DNAH8: variants seen among roughly 807,000 people sequenced by gnomAD.
DNAH8 encodes the protein dynein axonemal heavy chain 8.
Under a neutral mutation model 562.1 loss-of-function variants are expected in DNAH8, and 382 were observed. The observed-to-expected ratio is 0.68, with a 90% CI of 0.63 to 0.74. The LOEUF (loss-of-function observed/expected upper bound fraction) is 0.74, where lower values mean the gene tolerates loss of function less well. Ranked by LOEUF, DNAH8 falls within the 30% of genes least tolerant of loss-of-function variation. DNAH8 has a pLI of 0.00. For missense variants in DNAH8, 5,203 were observed against 5,620.4 expected, an observed-to-expected ratio of 0.93 and a Z score of 2.37; for synonymous variants, 1,881 against 1,919.4, an observed-to-expected ratio of 0.98 and a Z score of 0.52.
At chr6:38,909,875 C>A in intron 65 of DNAH8, 131 bp downstream of exon 65, 1 of 799,424 alleles carries the variant, frequency 1.3e-6, no homozygotes, top group Non-Finnish European at 2.0e-6. Flanking sequence ...ATCTTTCTTG[C>A]TTTGATTTTC....
At position 38,873,101 on chromosome 6, in the gene DNAH8, T is replaced by C. The variant is rs1174911816; in HGVS notation, c.7433T>C (p.Met2478Thr). ...CCTGCCACGGTTTCTAGGATGGGCA[T>C]GGTCTATATCAGCAGCTCTGCTCTC... ...ASPATVSRMG[M>T]VYISSSALSW... Residue 2478 changes from methionine to threonine, a missense_variant, in exon 51 of 93, where the codon ATG becomes ACG. Met to Thr is a moderately conservative substitution (Grantham distance 81). Around this residue, in one of 6 missense-constraint regions of DNAH8, gnomAD observed 977 missense variants for 1,061.8 expected, o/e 0.92. Coordinates refer to ENST00000327475, the MANE Select transcript of DNAH8 (RefSeq NM_001206927.2). 11 of 1,613,960 alleles carry C rather than the reference T, an allele frequency of 6.8e-6. No individual in the cohort carries two copies. The highest frequency in any genetic ancestry group is 9.3e-6 in the Non-Finnish European group (11 of 1,179,982).
chr6:38,748,880 G>A (rs1329913334), intron 8 of DNAH8, among the ~76,000 whole-genome samples: 1 of 151,936 alleles, frequency 6.6e-6, no homozygotes, highest in East Asian at 1.9e-4. Flanking sequence ...AACAGTTTTA[G>A]TTGAATCCAT....
intron 1 of DNAH8, among the ~76,000 whole-genome samples, chr6:38,722,096 C>A (rs1036673059): frequency 6.6e-6 from 1 of 152,172 alleles, no homozygotes; most frequent in Non-Finnish European, 1.5e-5. Context: ...TTCTACACTT[C>A]TTCATTATTA....
Position 38,853,369 on chromosome 6 carries a change from G to A in DNAH8, c.5733+22G>A, listed in dbSNP as rs1462008563. 3 of 1,603,094 alleles carry A rather than the reference G, an allele frequency of 1.9e-6. No homozygotes were observed. In the South Asian group the frequency reaches 3.4e-5, roughly 18 times the overall value. On this transcript the variant is annotated intron_variant, in intron 41 of 92. Coordinates refer to ENST00000327475, the MANE Select transcript of DNAH8 (RefSeq NM_001206927.2). ...ACAGGTGAGAATACACAATGCTTAA[G>A]TAATGGTGAAAAGAAATGGAAATAA...
intron 91 of DNAH8, among the ~76,000 whole-genome samples, chr6:39,021,516 T>C (rs920723468): frequency 2.6e-5 from 4 of 152,270 alleles, no homozygotes; most frequent in African/African-American, 9.6e-5. Context: ...TTAATGTCCC[T>C]GCCTTACAGC....
intron 48 of DNAH8, 95 bp downstream of exon 48, chr6:38,868,291 C>T (rs1777213645): frequency 1.6e-6 from 2 of 1,231,010 alleles, no homozygotes; most frequent in African/African-American, 3.0e-5. Flanking sequence ...GAGCTGTGAG[C>T]ACCCATAATT....
chr6:38,917,731 A>T (rs1158875826), intron 69 of DNAH8, among the ~76,000 whole-genome samples, 194 bp from the exon 70 acceptor site: 2 of 152,126 alleles, frequency 1.3e-5, no homozygotes, highest in East Asian at 3.8e-4. Context: ...TTTCTTCTTT[A>T]CTCTTTCCAC....
At chr6:38,864,162 T>TTA (rs1776864180) in intron 45 of DNAH8, 102 bp downstream of exon 45, 1 of 1,014,186 alleles carries the variant, frequency 9.9e-7, no homozygotes. Context: ...TATCCAGGAG[T>TTA]TATAAGCTGT....
In DNAH8 at chr6:38,875,814, A is replaced by G; in HGVS notation, c.7844A>G (p.Tyr2615Cys). Residue 2615 changes from tyrosine (Y) to cysteine (C), a missense_variant, in exon 53 of 93, where the codon TAT becomes TGT. Physicochemically the swap from Tyr to Cys is radical, Grantham distance 194 (BLOSUM62 -2). This residue lies in a region of DNAH8 where 977 missense variants were observed against 1,061.8 expected (regional missense o/e 0.92). Coordinates refer to ENST00000327475, the MANE Select transcript of DNAH8 (RefSeq NM_001206927.2). ...TCAAATCAAACCATGTATGAGTTTTATGTTACTGATTATGGTAAGCCCACT... is the reference window on the plus strand; with the variant it reads ...TCAAATCAAACCATGTATGAGTTTTGTGTTACTGATTATGGTAAGCCCACT... ...KGSNQTMYEFYVTDYGDWEHW... is the reference protein window; with the variant it reads ...KGSNQTMYEFCVTDYGDWEHW... The G allele has an allele frequency of 6.2e-7, 1 of 1,611,480 alleles. No individual in the cohort carries two copies. The highest frequency in any genetic ancestry group is 1.1e-5 in the South Asian group (1 of 90,998).
At chr6:38,913,803 C>T in intron 66 of DNAH8, 46 bp from the exon 67 acceptor site, 1 of 1,261,398 alleles carries the variant, frequency 7.9e-7, no homozygotes, top group Non-Finnish European at 1.1e-6. Flanking sequence ...TTGATGAAGG[C>T]ATATACCTGT....
rs1321449040 is a variant in DNAH8 at position 38,882,933 on chromosome 6, A to G, written c.7882A>G (p.Lys2628Glu). 2 of 1,593,968 alleles carry G rather than the reference A, an allele frequency of 1.3e-6. No individual in the cohort carries two copies. Among genetic ancestry groups the G allele is most frequent in the Non-Finnish European group, 1.7e-6 (2 of 1,172,802 alleles). Residue 2628 changes from lysine to glutamate, a missense_variant, in exon 54 of 93, where the codon AAA (lysine) becomes GAA (glutamate). Physicochemically the swap from Lys to Glu is moderately conservative, Grantham distance 56. Transcript: ENST00000327475. ...AGGTGATTGGGAGCACTGGAATAAGAAACTTCAGCCTTATTATTATCCAAC... is the reference window on the plus strand; with the variant it reads ...AGGTGATTGGGAGCACTGGAATAAGGAACTTCAGCCTTATTATTATCCAAC... ...DYGDWEHWNKKLQPYYYPTDS... is the reference protein window; with the variant it reads ...DYGDWEHWNKELQPYYYPTDS...
chr6:38,734,327 C>CT lies in DNAH8; in HGVS notation c.611-147_611-146insT. ...GTAATTATTGGCATCTTCTAGTAGA[C>CT]CCCCCCCCAAAAAAATTATTCTATG... On this transcript the variant is annotated intron_variant, in intron 4 of 92. Transcript: ENST00000327475. 2 of 162,742 alleles carry CT rather than the reference C, an allele frequency of 1.2e-5. 1 individual carries two copies. Among genetic ancestry groups the CT allele is most frequent in the Non-Finnish European group, 1.9e-5 (2 of 105,866 alleles). 10.1% of individuals were successfully genotyped at this position (162,742 alleles called of 1,614,324 possible).
chr6:38,953,228 C>G (rs1583445292), intron 82 of DNAH8: 1 of 152,206 alleles, frequency 6.6e-6, no homozygotes, highest in African/African-American at 2.4e-5. Context: ...CTGGGCCAAT[C>G]AATGAACTGT....
At chr6:38,909,819 C>A in intron 65 of DNAH8, 75 bp downstream of exon 65, 1 of 1,182,390 alleles carries the variant, frequency 8.5e-7, no homozygotes, top group Non-Finnish European at 1.2e-6. Flanking sequence ...TTGTAACATC[C>A]AGCAGAAGAC....
At chr6:38,778,564 T>G in intron 14 of DNAH8, 100 bp downstream of exon 14, 2 of 711,030 alleles carry the variant, frequency 2.8e-6, no homozygotes, top group East Asian at 5.4e-5. Flanking sequence ...CTGTCCTACA[T>G]AAACCTTAAA....
Position 38,837,926 on chromosome 6 carries a change from A to G in DNAH8, c.4366-16A>G, listed in dbSNP as rs1194290367. On this transcript the variant is annotated splice_polypyrimidine_tract_variant and intron_variant, in intron 32 of 92. Transcript: ENST00000327475. ...ATTAATTGTATTTTAGTACAATTTAAAAACCTTTGTTACAGGCCAGTTTCG... is the reference window on the plus strand; with the variant it reads ...ATTAATTGTATTTTAGTACAATTTAGAAACCTTTGTTACAGGCCAGTTTCG... 1.3e-6 allele frequency: 2 copies of G among 1,562,972 alleles called. No homozygotes were observed. Among genetic ancestry groups the G allele is most frequent in the African/African-American group, 2.7e-5 (2 of 73,480 alleles).
At chr6:38,779,397 C>G (rs780159897) in intron 14 of DNAH8, among the ~76,000 whole-genome samples, 11 of 152,200 alleles carry the variant, frequency 7.2e-5, no homozygotes, top group Admixed American at 1.3e-4. Context: ...CTTTCTGTCT[C>G]TCTCTCTCTC....
chr6:38,956,222 C>T (rs1024069371), intron 82 of DNAH8, among the ~76,000 whole-genome samples: 1 of 152,228 alleles, frequency 6.6e-6, no homozygotes, highest in Non-Finnish European at 1.5e-5. Context: ...TCATCAACCT[C>T]TGTACCCCAG....
chr6:38,898,116 A>C, intron 60 of DNAH8, 142 bp from the exon 61 acceptor site: 1 of 729,702 alleles, frequency 1.4e-6, no homozygotes, highest in Non-Finnish European at 2.1e-6. Context: ...GTAGACTAAT[A>C]CGTGAGAAAC....
Sources: gnomAD v4.1 joint callset for allele counts (sites outside exome capture counted in the v4.1 genomes callset) on GRCh38, gnomAD v4.1.1 for gene constraint, gnomAD v4.1.1 regional missense constraint, MANE v1.5 for transcripts, NCBI Gene and HGNC (gene_info 2026-07-23, HGNC 2026-07-21) for gene names.